The following PARM1 variants were observed in gnomAD, a reference collection of about 807,000 sequenced individuals.
PARM1 encodes prostate androgen-regulated mucin-like protein 1.
A neutral mutation model predicts 24.6 loss-of-function variants in PARM1; 14 were observed. The ratio of observed to expected loss-of-function variants is 0.57; its 90% CI spans 0.38 to 0.89. The LOEUF (loss-of-function observed/expected upper bound fraction) is 0.89, where lower values mean the gene tolerates loss of function less well. Ranked by LOEUF, PARM1 falls within the 40% of genes least tolerant of loss-of-function variation. PARM1 has a pLI of 0.00. For missense variants in PARM1, 362 were observed against 380.4 expected (o/e 0.95, Z 0.40); for synonymous variants, 179 against 156.6 (o/e 1.14, Z -1.07).
At chr4:75,026,605 C>T (rs1231476045) in intron 2 of PARM1, among the ~76,000 whole-genome samples, 2 of 152,154 alleles carry the variant, frequency 1.3e-5, no homozygotes, top group African/African-American at 2.4e-5. Context: ...GTCCCTGCTC[C>T]CCAAACTATC....
At chr4:75,022,892 A>G (rs1723114126) in intron 2 of PARM1, among the ~76,000 whole-genome samples, 2 of 152,220 alleles carry the variant, frequency 1.3e-5, no homozygotes, top group African/African-American at 4.8e-5. Flanking sequence ...ATATTGCATT[A>G]GGAGTGCATA....
intron 2 of PARM1, among the ~76,000 whole-genome samples, chr4:75,021,632 G>T (rs1032746142): frequency 6.6e-6 from 1 of 151,876 alleles, no homozygotes; most frequent in Admixed American, 6.6e-5. Context: ...CCTCAACTAG[G>T]TCCCTATGTC....
Position 74,933,145 on chromosome 4 carries a change from A to T in PARM1, c.-183A>T, listed in dbSNP as rs1355502231. ...GAGCGCGGAGCACCGGAGGGCACGC[A>T]GCTGACGGAGCTGCGCTGCGTTCGC... On this transcript the variant is annotated 5_prime_UTR_variant, in exon 1 of 4. Coordinates refer to ENST00000307428, the MANE Select transcript of PARM1 (RefSeq NM_015393.4). 1.8e-6 allele frequency: 1 copy of T among 555,318 alleles called. No individual in the cohort carries two copies. The highest frequency in any genetic ancestry group is 2.0e-5 in the African/African-American group (1 of 50,314). The allele number at this position is 555,318 out of a possible 1,614,324, so 34.4% of individuals were successfully genotyped here.
At chr4:74,953,879 A>C (rs1184965061) in intron 1 of PARM1, among the ~76,000 whole-genome samples, 1 of 152,134 alleles carries the variant, frequency 6.6e-6, no homozygotes, top group Non-Finnish European at 1.5e-5. Flanking sequence ...AGAGAAAGGG[A>C]AGTGGGTCAC....
intron 1 of PARM1, among the ~76,000 whole-genome samples, chr4:74,987,183 C>G (rs113198526): frequency 1.3e-5 from 2 of 152,062 alleles, no homozygotes; most frequent in Admixed American, 6.5e-5. Flanking sequence ...TTAATTCTAA[C>G]GGACTACCTA....
chr4:75,044,712 CT>C (rs1723564178), intron 3 of PARM1, among the ~76,000 whole-genome samples: 1 of 152,150 alleles, frequency 6.6e-6, no homozygotes, highest in East Asian at 1.9e-4. Context: ...TTTCACACTT[CT>C]GATAAACATA....
chr4:75,042,820 G>A (rs1183554465), intron 3 of PARM1, among the ~76,000 whole-genome samples: 1 of 151,758 alleles, frequency 6.6e-6, no homozygotes, highest in African/African-American at 2.4e-5. Flanking sequence ...TCCTGTTTAA[G>A]CTCGTTAATG....
intron 1 of PARM1, among the ~76,000 whole-genome samples, chr4:74,983,327 G>A (rs1182384566): frequency 6.6e-6 from 1 of 152,140 alleles, no homozygotes; most frequent in Non-Finnish European, 1.5e-5. Flanking sequence ...TAACTATTTT[G>A]AGGGGGAGAT....
Position 75,046,536 on chromosome 4 carries a change from G to A in PARM1, c.*289G>A, listed in dbSNP as rs1723607341. The A allele has an allele frequency of 3.5e-6, 1 of 284,414 alleles. No individual in the cohort carries two copies. The highest frequency in any genetic ancestry group is 5.7e-5 in the South Asian group (1 of 17,582). 17.6% of individuals were successfully genotyped at this position (284,414 alleles called of 1,614,324 possible). On this transcript the variant is annotated 3_prime_UTR_variant, in exon 4 of 4. Coordinates refer to ENST00000307428, the MANE Select transcript of PARM1 (RefSeq NM_015393.4). The stretch of plus-strand genomic sequence containing the variant: ...GTGAAGGCTTCTTTCCCCACTGCAG[G>A]ACCCACTTTGAGAAGGACCGAGGAG...
intron 1 of PARM1, among the ~76,000 whole-genome samples, chr4:74,948,279 G>A (rs971470386): frequency 6.6e-6 from 1 of 152,144 alleles, no homozygotes; most frequent in Non-Finnish European, 1.5e-5. Flanking sequence ...TCAAAATGTG[G>A]ACTCCAAGGT....
intron 1 of PARM1, among the ~76,000 whole-genome samples, chr4:74,952,073 A>G (rs1420065191): frequency 5.3e-5 from 8 of 152,174 alleles, no homozygotes; most frequent in Middle Eastern, 3.4e-3. Context: ...AAGCGTTCCT[A>G]TTTTTCCACA....
intron 1 of PARM1, among the ~76,000 whole-genome samples, chr4:74,971,426 G>A (rs1194250731): frequency 1.3e-5 from 2 of 152,032 alleles, no homozygotes; most frequent in Non-Finnish European, 1.5e-5. Flanking sequence ...TTTTGAGTGG[G>A]GATACAGCCA....
intron 1 of PARM1, among the ~76,000 whole-genome samples, chr4:74,948,437 A>G (rs79987705): frequency 0.01 from 1,584 of 152,370 alleles, 33 homozygotes; most frequent in African/African-American, 0.036. Flanking sequence ...GATCTCTGAG[A>G]GAAGTAACAC....
intron 1 of PARM1, among the ~76,000 whole-genome samples, chr4:74,983,779 C>A (rs780173306): frequency 7.9e-5 from 12 of 152,184 alleles, no homozygotes; most frequent in Non-Finnish European, 1.5e-5. Flanking sequence ...CCACCCCACC[C>A]CTTCACCTTC....
intron 2 of PARM1, among the ~76,000 whole-genome samples, chr4:75,029,893 C>T (rs971464281): frequency 2.6e-5 from 4 of 151,688 alleles, no homozygotes; most frequent in Admixed American, 2.6e-4. Context: ...AAAAAAAATT[C>T]TGGTAATCTT....
chr4:75,039,452 T>C (rs1354678342), intron 3 of PARM1, among the ~76,000 whole-genome samples: 1 of 152,128 alleles, frequency 6.6e-6, no homozygotes, highest in Non-Finnish European at 1.5e-5. Context: ...GAGAATGGCA[T>C]GAACCTGGGA....
At chr4:74,945,800 CT>C (rs903887021) in intron 1 of PARM1, among the ~76,000 whole-genome samples, 4 of 152,120 alleles carry the variant, frequency 2.6e-5, no homozygotes, top group African/African-American at 9.7e-5. Flanking sequence ...ATTTATTTTT[CT>C]TTTGGCAACA....
intron 2 of PARM1, among the ~76,000 whole-genome samples, chr4:75,030,396 A>G (rs1246578522): frequency 4.6e-5 from 7 of 152,178 alleles, no homozygotes; most frequent in African/African-American, 7.2e-5. Flanking sequence ...AGTTTTGTGC[A>G]TAGTCTCAGC....
At chr4:74,936,750 C>T (rs555099326) in intron 1 of PARM1, among the ~76,000 whole-genome samples, 3 of 152,046 alleles carry the variant, frequency 2.0e-5, no homozygotes, top group Admixed American at 6.6e-5. Context: ...CCACCGCGCC[C>T]GGGCACGTTC....
Sources: allele counts gnomAD v4.1 joint callset (sites outside exome capture counted in the v4.1 genomes callset), GRCh38; gene constraint gnomAD v4.1.1; transcripts MANE v1.5; gene names NCBI Gene and HGNC (gene_info 2026-07-23, HGNC 2026-07-21).